MECOM: variants seen among roughly 807,000 people sequenced by gnomAD.
MECOM encodes histone-lysine N-methyltransferase MECOM.
In MECOM, 13 loss-of-function variants were observed where a neutral mutation model predicts 116.3. That is an observed-to-expected ratio of 0.11 (90% CI 0.07 to 0.18). The LOEUF (loss-of-function observed/expected upper bound fraction) is 0.18, where lower values mean the gene tolerates loss of function less well. MECOM is among the 10% of genes least tolerant of loss of function. The pLI is 1.00. For synonymous variants in MECOM, 528 were observed against 535.2 expected, an observed-to-expected ratio of 0.99 and a Z score of 0.19; for missense variants, 1,299 against 1,509.0, an observed-to-expected ratio of 0.86 and a Z score of 2.31.
At chr3:169,381,955 T>C (rs955158369) in intron 1 of MECOM, among the ~76,000 whole-genome samples, 9 of 152,180 alleles carry the variant, frequency 5.9e-5, no homozygotes, top group Non-Finnish European at 1.2e-4. Flanking sequence ...GGAATAAACA[T>C]AGGAGAGTCA....
At chr3:169,181,345 A>G (rs1745946473) in intron 2 of MECOM, among the ~76,000 whole-genome samples, 3 of 152,226 alleles carry the variant, frequency 2.0e-5, no homozygotes, top group Non-Finnish European at 1.5e-5. Context: ...ATTTAGTGCC[A>G]TTAACCATAT....
At chr3:169,119,816 A>G (rs1730397545) in intron 7 of MECOM, among the ~76,000 whole-genome samples, 1 of 152,204 alleles carries the variant, frequency 6.6e-6, no homozygotes, top group African/African-American at 2.4e-5. Flanking sequence ...GACCTTCAAT[A>G]GAGCTTCCCC....
intron 12 of MECOM, among the ~76,000 whole-genome samples, chr3:169,097,840 A>AAAAAAAAAAAAAT (rs1722193549): frequency 2.1e-5 from 3 of 140,598 alleles, no homozygotes; most frequent in East Asian, 4.2e-4. Context: ...AAAAAAAAAA[A>AAAAAAAAAAAAAT]GGTGGATTCC....
At chr3:169,635,550 A>G (rs1426820572) in intron 1 of MECOM, among the ~76,000 whole-genome samples, 1 of 152,234 alleles carries the variant, frequency 6.6e-6, no homozygotes, top group Non-Finnish European at 1.5e-5. Flanking sequence ...CTCAGCTCAC[A>G]TAGTTTTCTC....
intron 2 of MECOM, among the ~76,000 whole-genome samples, chr3:169,268,453 C>T (rs2149643919): frequency 6.6e-6 from 1 of 152,244 alleles, no homozygotes; most frequent in South Asian, 2.1e-4. Context: ...TCTTATAAGC[C>T]TCCAATGATG....
At chr3:169,468,044 G>A (rs1748593938) in intron 1 of MECOM, among the ~76,000 whole-genome samples, 1 of 152,068 alleles carries the variant, frequency 6.6e-6, no homozygotes, top group African/African-American at 2.4e-5. Flanking sequence ...TTCCCCCAAA[G>A]CCATTGCTTG....
intron 1 of MECOM, chr3:169,565,836 G>A: frequency 5.5e-6 from 2 of 363,006 alleles, no homozygotes; most frequent in Non-Finnish European, 1.1e-5. Flanking sequence ...GGCATATGAG[G>A]GAGTCAGGGA....
intron 2 of MECOM, among the ~76,000 whole-genome samples, chr3:169,153,768 G>A (rs1211798544): frequency 6.6e-6 from 1 of 152,164 alleles, no homozygotes; most frequent in Non-Finnish European, 1.5e-5. Context: ...TTCCATGACA[G>A]TTTCATAATA....
intron 1 of MECOM, among the ~76,000 whole-genome samples, chr3:169,650,716 C>A (rs980064336): frequency 6.6e-6 from 1 of 151,868 alleles, no homozygotes; most frequent in African/African-American, 2.4e-5. Flanking sequence ...CTGCTGTGAC[C>A]GTGTCTCAGA....
intron 1 of MECOM, among the ~76,000 whole-genome samples, chr3:169,411,554 C>G (rs2108453592): frequency 6.6e-6 from 1 of 152,326 alleles, no homozygotes; most frequent in Middle Eastern, 3.4e-3. Flanking sequence ...CGTCCGCACT[C>G]TGAGAGGCTC....
rs1331064439 is a variant in MECOM, at chr3:169,616,425, A to G, written c.37+46911T>C. 3.3e-5 allele frequency among the ~76,000 whole-genome samples: 5 copies of G among 152,246 alleles called. No homozygotes were observed. The East Asian group carries it at 9.6e-4, about 29-fold the overall frequency. The stretch of plus-strand genomic sequence containing the variant: ...CAGTGGCACGATCTTGGTTCACTGC[A>G]ACCTCCGCCTCCTGGGTTCAAGCGA... On this transcript the variant is annotated intron_variant, in intron 1 of 16. Transcript: ENST00000651503.
intron 2 of MECOM, among the ~76,000 whole-genome samples, chr3:169,232,137 C>G (rs779263924): frequency 6.6e-6 from 1 of 152,148 alleles, no homozygotes; most frequent in Non-Finnish European, 1.5e-5. Flanking sequence ...TTTCTGATCA[C>G]GTGAGAAGGC....
intron 2 of MECOM, among the ~76,000 whole-genome samples, chr3:169,239,857 G>C (rs1754563347): frequency 6.6e-6 from 1 of 152,108 alleles, no homozygotes; most frequent in Admixed American, 6.6e-5. Flanking sequence ...CCATTGTGTT[G>C]ATATAACAAA....
At chr3:169,438,774 T>C (rs1041789934) in intron 1 of MECOM, among the ~76,000 whole-genome samples, 8 of 152,194 alleles carry the variant, frequency 5.3e-5, no homozygotes, top group Admixed American at 6.5e-5. Context: ...TATGCAGTGT[T>C]CGATCCAATC....
rs749244302 is a variant in MECOM at position 169,095,255 on chromosome 3, A to G, written c.2850-10T>C. 4 of 1,599,334 alleles carry G rather than the reference A, an allele frequency of 2.5e-6. No homozygotes were observed. The African/African-American group carries it at 5.4e-5, about 21-fold the overall frequency. On this transcript the variant is annotated splice_polypyrimidine_tract_variant and intron_variant, in intron 12 of 16. Transcript: ENST00000651503. ...GTCACAGTATTTGCATCTGAAAAAT[A>G]AACAAAGAGAAAATATTAGCAAGCA...
At chr3:169,244,153 CTT>C (rs1755253573) in intron 2 of MECOM, among the ~76,000 whole-genome samples, 1 of 152,236 alleles carries the variant, frequency 6.6e-6, no homozygotes, top group African/African-American at 2.4e-5. Flanking sequence ...CCTTTCTCCT[CTT>C]AATCTCCTCA....
At chr3:169,303,451 A>G (rs1303990762) in intron 2 of MECOM, among the ~76,000 whole-genome samples, 2 of 152,236 alleles carry the variant, frequency 1.3e-5, no homozygotes, top group Non-Finnish European at 2.9e-5. Flanking sequence ...GGTGGAAGAC[A>G]TGTTAGAAGT....
chr3:169,462,361 A>G (rs1489728132), intron 1 of MECOM, among the ~76,000 whole-genome samples: 1 of 152,214 alleles, frequency 6.6e-6, no homozygotes, highest in Admixed American at 6.6e-5. Context: ...AGACAGCCAG[A>G]TGTTTTTACT....
intron 1 of MECOM, among the ~76,000 whole-genome samples, chr3:169,582,430 A>G (rs1255142216): frequency 1.3e-5 from 2 of 152,158 alleles, no homozygotes; most frequent in African/African-American, 4.8e-5. Context: ...ATGGGGAAAA[A>G]CGGGAAAATG....
Sources: allele counts gnomAD v4.1 joint callset (sites outside exome capture counted in the v4.1 genomes callset), GRCh38; gene constraint gnomAD v4.1.1; transcripts MANE v1.5; gene names NCBI Gene and HGNC (gene_info 2026-07-23, HGNC 2026-07-21).